The following GAB2 variants were observed in gnomAD, a reference collection of about 807,000 sequenced individuals.
The protein encoded by GAB2 is GRB2 associated binding protein 2, also known as GRB2-associated-binding protein 2.
In GAB2, 26 loss-of-function variants were observed where a neutral mutation model predicts 65.5. The observed-to-expected ratio is 0.40, with a 90% CI of 0.29 to 0.55. The LOEUF (loss-of-function observed/expected upper bound fraction) is 0.55. Among genes scored for constraint, GAB2 ranks in the 20% least tolerant of loss-of-function variants. The pLI is 0.53. For synonymous variants in GAB2, 321 were observed against 329.6 expected (o/e 0.97, Z 0.28); for missense variants, 884 against 875.8 (o/e 1.01, Z -0.12).
chr11:78,401,996 G>A (rs1856979471), intron 1 of GAB2, among the ~76,000 whole-genome samples: 1 of 152,142 alleles, frequency 6.6e-6, no homozygotes, highest in African/African-American at 2.4e-5. Flanking sequence ...TTGGAATAAT[G>A]CCCTGGCTGC....
chr11:78,305,276 T>G (rs1181633168), intron 1 of GAB2, among the ~76,000 whole-genome samples: 2 of 152,250 alleles, frequency 1.3e-5, no homozygotes, highest in Non-Finnish European at 2.9e-5. Context: ...TTTTTTTATT[T>G]TTTTATAGAT....
intron 1 of GAB2, among the ~76,000 whole-genome samples, chr11:78,315,799 G>A (rs1277898119): frequency 6.6e-6 from 1 of 152,202 alleles, no homozygotes; most frequent in Non-Finnish European, 1.5e-5. Flanking sequence ...AATATTAGGT[G>A]TCAACTTGAT....
chr11:78,267,537 G>A (rs1277970956), intron 2 of GAB2, among the ~76,000 whole-genome samples: 3 of 151,996 alleles, frequency 2.0e-5, no homozygotes, highest in Non-Finnish European at 2.9e-5. Flanking sequence ...TCACACACAC[G>A]AGAACACTAA....
intron 1 of GAB2, among the ~76,000 whole-genome samples, chr11:78,337,621 A>G (rs1406994806): frequency 6.6e-6 from 1 of 152,244 alleles, no homozygotes; most frequent in Non-Finnish European, 1.5e-5. Context: ...TAGAAGAAGA[A>G]AGCATCATTC....
At chr11:78,297,468 G>GGT (rs1866865273) in intron 1 of GAB2, among the ~76,000 whole-genome samples, 1 of 152,034 alleles carries the variant, frequency 6.6e-6, no homozygotes, top group Non-Finnish European at 1.5e-5. Flanking sequence ...AGCAATACTG[G>GGT]GTGTGAGGGA....
chr11:78,276,595 T>A (rs1479713954), intron 2 of GAB2, among the ~76,000 whole-genome samples: 1 of 152,176 alleles, frequency 6.6e-6, no homozygotes, highest in Non-Finnish European at 1.5e-5. Flanking sequence ...CAGACTCTAC[T>A]GTTCATCTTT....
chr11:78,385,741 G>T (rs1565180874), intron 1 of GAB2, among the ~76,000 whole-genome samples: 1 of 152,150 alleles, frequency 6.6e-6, no homozygotes, highest in African/African-American at 2.4e-5. Flanking sequence ...CCAAACTGAG[G>T]AAAGTTACCA....
rs1314222511 is a variant in GAB2, at chr11:78,404,676, T to C, written c.75+12970A>G. Among the ~76,000 whole-genome samples the C allele has an allele frequency of 4.6e-5, 7 of 152,240 alleles. No individual in the cohort carries two copies. In the East Asian group the frequency reaches 1.3e-3, roughly 29 times the overall value. ...CAGGAACAGAAATTTAAACACTGCA[T>C]GTTCTTACTCATATGTGGAAGCTAA... On this transcript the variant is annotated intron_variant, in intron 1 of 9. Transcript: ENST00000361507.
At chr11:78,408,407 A>G (rs1857082755) in intron 1 of GAB2, among the ~76,000 whole-genome samples, 1 of 152,250 alleles carries the variant, frequency 6.6e-6, no homozygotes, top group Non-Finnish European at 1.5e-5. Flanking sequence ...GATACACTCA[A>G]AAACACTATA....
At chr11:78,272,878 T>C (rs1866054314) in intron 2 of GAB2, among the ~76,000 whole-genome samples, 2 of 152,202 alleles carry the variant, frequency 1.3e-5, no homozygotes, top group Admixed American at 6.5e-5. Flanking sequence ...GGGGACTTGG[T>C]GCCCTGTGTC....
chr11:78,340,009 G>GT (rs993030039), intron 1 of GAB2, among the ~76,000 whole-genome samples: 9 of 152,278 alleles, frequency 5.9e-5, no homozygotes, highest in African/African-American at 1.4e-4. Context: ...AGAGAAAATT[G>GT]TTTTTTAAAT....
At chr11:78,384,615 T>C (rs903557728) in intron 1 of GAB2, among the ~76,000 whole-genome samples, 2 of 152,082 alleles carry the variant, frequency 1.3e-5, no homozygotes, top group Non-Finnish European at 2.9e-5. Flanking sequence ...GAACAAAGAA[T>C]GAGGTCACAG....
chr11:78,228,234 A>G (rs1047592571), intron 3 of GAB2, among the ~76,000 whole-genome samples: 6 of 152,202 alleles, frequency 3.9e-5, no homozygotes, highest in Admixed American at 6.5e-5. Flanking sequence ...GTTCTCTGTA[A>G]GTGCTTTGGG....
At chr11:78,242,317 A>C (rs1865154699) in intron 3 of GAB2, among the ~76,000 whole-genome samples, 1 of 152,136 alleles carries the variant, frequency 6.6e-6, no homozygotes, top group African/African-American at 2.4e-5. Context: ...CCTGGCTAAC[A>C]CGGTGAAACC....
chr11:78,403,912 T>G (rs929820211), intron 1 of GAB2, among the ~76,000 whole-genome samples: 9 of 152,172 alleles, frequency 5.9e-5, no homozygotes, highest in South Asian at 2.1e-4. Context: ...TCTTTTTTTT[T>G]GTAAAATATG....
chr11:78,309,460 CT>C (rs1294733703), intron 1 of GAB2, among the ~76,000 whole-genome samples: 10 of 122,104 alleles, frequency 8.2e-5, no homozygotes, highest in African/African-American at 2.8e-4. Flanking sequence ...ACCCTGCCCC[CT>C]GCCTTTTTTT....
chr11:78,406,181 A>G lies in GAB2; in HGVS notation c.75+11465T>C, dbSNP rs147804507. 9.4e-4 allele frequency among the ~76,000 whole-genome samples: 143 copies of G among 152,330 alleles called. 1 individual carries two copies. The highest frequency in any genetic ancestry group is 3.3e-3 in the African/African-American group (139 of 41,574). On this transcript the variant is annotated intron_variant, in intron 1 of 9. Transcript: ENST00000361507. Reference sequence around the variant, plus strand: ...GGGAAGTTGGAACCTTAAACCATTCACAGGAGTAATGAGGACTACCTTCCT... The same window carrying G: ...GGGAAGTTGGAACCTTAAACCATTCGCAGGAGTAATGAGGACTACCTTCCT...
At chr11:78,414,247 GATTA>G (rs1336313614) in intron 1 of GAB2, among the ~76,000 whole-genome samples, 1 of 152,136 alleles carries the variant, frequency 6.6e-6, no homozygotes, top group East Asian at 1.9e-4. Context: ...TGAAAGACTG[GATTA>G]ATTTTTTTTT....
chr11:78,240,144 CAG>C (rs1865087629), intron 3 of GAB2, among the ~76,000 whole-genome samples: 1 of 152,156 alleles, frequency 6.6e-6, no homozygotes, highest in African/African-American at 2.4e-5. Context: ...CATGCCTCCA[CAG>C]TGCCTAAGCT....
Sources: gnomAD v4.1 joint callset for allele counts (sites outside exome capture counted in the v4.1 genomes callset) on GRCh38, gnomAD v4.1.1 for gene constraint, MANE v1.5 for transcripts, NCBI Gene and HGNC (gene_info 2026-07-23, HGNC 2026-07-21) for gene names.